CNGB3: variants seen among roughly 807,000 people sequenced by gnomAD.
CNGB3 encodes cyclic nucleotide gated channel subunit beta 3.
In CNGB3, 86 loss-of-function variants were observed where a neutral mutation model predicts 92.8. The ratio of observed to expected loss-of-function variants is 0.93; its 90% CI spans 0.78 to 1.11. The LOEUF (loss-of-function observed/expected upper bound fraction) is 1.11, where lower values mean the gene tolerates loss of function less well. Ranked by LOEUF, CNGB3 falls within the 50% of genes least tolerant of loss-of-function variation. The probability of loss-of-function intolerance (pLI) is 0.00; values close to 1 mark genes in which losing one functional copy is unlikely to be tolerated. For missense variants in CNGB3, 1,026 were observed against 956.8 expected, an observed-to-expected ratio of 1.07 and a Z score of -0.95; for synonymous variants, 333 against 332.7, an observed-to-expected ratio of 1.00 and a Z score of -0.01.
chr8:86,734,422 G>A (rs1175771605), intron 2 of CNGB3, among the ~76,000 whole-genome samples: 1 of 152,100 alleles, frequency 6.6e-6, no homozygotes, highest in African/African-American at 2.4e-5. Context: ...GACTGGGATG[G>A]AGATTATGAG....
chr8:86,607,165 A>G (rs1822427055), intron 14 of CNGB3, among the ~76,000 whole-genome samples: 1 of 152,212 alleles, frequency 6.6e-6, no homozygotes, highest in Non-Finnish European at 1.5e-5. Context: ...TGATCATTTC[A>G]ATAATTTTCC....
At position 86,739,698 on chromosome 8, in the gene CNGB3, C is replaced by G. The variant is rs1410218983; in HGVS notation, c.168G>C (p.Lys56Asn). The part of the protein sequence containing the change: ...NKGEEKSLKT[K>N]STPVTSEEPH... ...GCTCTTCAGACGTGACTGGAGTTGACTTGGTTTTGAGAGATTTCTCTTCAC... is the reference window on the plus strand; with the variant it reads ...GCTCTTCAGACGTGACTGGAGTTGAGTTGGTTTTGAGAGATTTCTCTTCAC... Residue 56 changes from lysine to asparagine, a missense_variant, in exon 2 of 18, where the codon AAG (lysine) becomes AAC (asparagine). Lys to Asn is a moderately conservative substitution (Grantham distance 94, BLOSUM62 0). Coordinates refer to ENST00000320005, the MANE Select transcript of CNGB3 (RefSeq NM_019098.5). The G allele has an allele frequency of 1.9e-6, 3 of 1,605,616 alleles. No individual in the cohort carries two copies. Among genetic ancestry groups the G allele is most frequent in the Non-Finnish European group, 2.5e-6 (3 of 1,177,338 alleles).
intron 3 of CNGB3, among the ~76,000 whole-genome samples, chr8:86,721,875 A>G (rs1425208498): frequency 1.3e-5 from 2 of 152,198 alleles, no homozygotes; most frequent in Non-Finnish European, 2.9e-5. Flanking sequence ...TTTTCTAGCT[A>G]CTAGACAATA....
At chr8:86,583,397 G>A (rs1585946494) in intron 15 of CNGB3, among the ~76,000 whole-genome samples, 1 of 152,058 alleles carries the variant, frequency 6.6e-6, no homozygotes, top group Non-Finnish European at 1.5e-5. Context: ...GTTCAGATTA[G>A]TTCAAAATGC....
chr8:86,676,782 C>T (rs1008936582), intron 3 of CNGB3, among the ~76,000 whole-genome samples: 12 of 152,100 alleles, frequency 7.9e-5, no homozygotes, highest in Admixed American at 3.9e-4. Flanking sequence ...GAAGCCATAC[C>T]GGAGTAGGTT....
At chr8:86,651,821 G>A (rs745460316) in intron 7 of CNGB3, among the ~76,000 whole-genome samples, 2 of 151,910 alleles carry the variant, frequency 1.3e-5, no homozygotes, top group Non-Finnish European at 2.9e-5. Context: ...GTAAGATATT[G>A]TTTCTATTCA....
chr8:86,609,014 C>T (rs927280586), intron 14 of CNGB3, among the ~76,000 whole-genome samples: 1 of 152,268 alleles, frequency 6.6e-6, no homozygotes, highest in East Asian at 1.9e-4. Context: ...AGAAGCCCAC[C>T]GACCCTGTGG....
At chr8:86,710,851 C>T (rs146314319) in intron 3 of CNGB3, among the ~76,000 whole-genome samples, 226 of 152,144 alleles carry the variant, frequency 1.5e-3, no homozygotes, top group East Asian at 7.9e-3. Flanking sequence ...TTCTTTCTTC[C>T]GTAACTGCTT....
chr8:86,656,872 T>C (rs1049121095), intron 6 of CNGB3, among the ~76,000 whole-genome samples: 3 of 152,080 alleles, frequency 2.0e-5, no homozygotes, highest in African/African-American at 7.2e-5. Flanking sequence ...CCCAAATAAT[T>C]ACTAGAACCT....
intron 13 of CNGB3, among the ~76,000 whole-genome samples, chr8:86,613,175 C>T (rs1173583660): frequency 6.6e-6 from 1 of 152,072 alleles, no homozygotes; most frequent in African/African-American, 2.4e-5. Flanking sequence ...GGAAATTTAC[C>T]TTTTCTTTGG....
intron 15 of CNGB3, among the ~76,000 whole-genome samples, chr8:86,580,654 A>C (rs13250417): frequency 0.93 from 142,054 of 152,284 alleles, 66,361 homozygotes; most frequent in East Asian, 1. Context: ...AAATAAGCAA[A>C]AAAGAGTGGG....
rs768661791 is a variant in CNGB3 at position 86,668,131 on chromosome 8, A to G, written c.531T>C (p.Asp177=). ...TGTAGTAATGTTCTGTTGGCTTATC[A>G]TCGCTTTCTTTTACTGGTGGTACAG... is the stretch of plus-strand genomic sequence containing the variant. ...PTAVPPVKES[D]DKPTEHYYRL... is the part of the protein sequence containing the mutation. Residue 177 remains aspartate, a synonymous_variant, in exon 5 of 18, where the codon GAT becomes GAC. Coordinates refer to ENST00000320005, the MANE Select transcript of CNGB3 (RefSeq NM_019098.5). 1.2e-6 allele frequency: 2 copies of G among 1,613,872 alleles called. No individual in the cohort carries two copies. The highest frequency in any genetic ancestry group is 1.3e-5 in the African/African-American group (1 of 74,880).
intron 3 of CNGB3, among the ~76,000 whole-genome samples, chr8:86,680,591 A>G (rs760879157): frequency 6.6e-6 from 1 of 152,170 alleles, no homozygotes; most frequent in Non-Finnish European, 1.5e-5. Context: ...ATTTTCCTCT[A>G]GGTGGTGAGA....
chr8:86,598,790 T>A (rs534128539), intron 15 of CNGB3, among the ~76,000 whole-genome samples: 6 of 152,334 alleles, frequency 3.9e-5, no homozygotes, highest in African/African-American at 1.2e-4. Flanking sequence ...ACCCTCTTTG[T>A]CATTGGACTT....
At chr8:86,661,905 G>C in intron 6 of CNGB3, 1 of 802,376 alleles carries the variant, frequency 1.2e-6, no homozygotes. Context: ...TGGTGAAAAA[G>C]ATGGATAGGA....
At chr8:86,614,300 C>G (rs114691467) in intron 13 of CNGB3, among the ~76,000 whole-genome samples, 2,462 of 152,192 alleles carry the variant, frequency 0.016, 64 homozygotes, top group African/African-American at 0.056. Context: ...CCCACGTAGA[C>G]GAGCAGATAT....
intron 13 of CNGB3, among the ~76,000 whole-genome samples, chr8:86,624,964 G>A (rs1041641662): frequency 7.2e-5 from 11 of 152,132 alleles, no homozygotes; most frequent in African/African-American, 2.4e-4. Context: ...GTGTGACACT[G>A]ACCACACCTG....
chr8:86,665,936 A>G (rs1021880910), intron 6 of CNGB3, among the ~76,000 whole-genome samples: 4 of 152,222 alleles, frequency 2.6e-5, no homozygotes, highest in African/African-American at 9.6e-5. Context: ...TTGCTTTGTA[A>G]GTTAGGTTTT....
rs1821615818 is a variant in CNGB3, at chr8:86,574,226, T to C, written c.*1578A>G. ...TATCATTTGAATAAATTACAGGGTG[T>C]AAAGGGAAAGCATATTGCTCACAAG... On this transcript the variant is annotated 3_prime_UTR_variant, in exon 18 of 18. Transcript: ENST00000320005. 6.6e-6 allele frequency: 1 copy of C among 152,198 alleles called. No homozygotes were observed. The highest frequency in any genetic ancestry group is 1.5e-5 in the Non-Finnish European group (1 of 68,036). 9.4% of individuals were successfully genotyped at this position (152,198 alleles called of 1,614,324 possible).
Sources: allele counts gnomAD v4.1 joint callset (sites outside exome capture counted in the v4.1 genomes callset), GRCh38; gene constraint gnomAD v4.1.1; transcripts MANE v1.5; gene names NCBI Gene and HGNC (gene_info 2026-07-23, HGNC 2026-07-21).